Variants in AATK observed in about 807,000 individuals in gnomAD.
The protein encoded by AATK is serine/threonine-protein kinase LMTK1.
A neutral mutation model predicts 114.3 loss-of-function variants in AATK; 91 were observed. The ratio of observed to expected loss-of-function variants is 0.80; its 90% CI spans 0.67 to 0.95. The LOEUF is 0.95. Ranked by LOEUF, AATK falls within the 40% of genes least tolerant of loss-of-function variation. The pLI is 0.00. For synonymous variants in AATK, 1,075 were observed against 916.5 expected, an observed-to-expected ratio of 1.17 and a Z score of -3.12; for missense variants, 2,176 against 1,965.2, an observed-to-expected ratio of 1.11 and a Z score of -2.03.
At position 81,120,644 on chromosome 17, in the gene AATK, A is replaced by G. The variant is rs1471186145; in HGVS notation, c.3292T>C (p.Ser1098Pro). The G allele has an allele frequency of 3.9e-6, 6 of 1,533,290 alleles. No individual in the cohort carries two copies. The South Asian group carries it at 7.7e-5, about 20-fold the overall frequency. 95.0% of individuals were successfully genotyped at this position (1,533,290 alleles called of 1,614,324 possible). ...KVRPGPSPSC[S>P]QFFLLTPVPL... is the part of the protein sequence containing the mutation. The stretch of plus-strand genomic sequence containing the variant: ...ACCGGGGTCAGCAGGAAAAACTGGG[A>G]GCAGCTGGGGCTGGGCCCAGGCCGC... Residue 1098 changes from serine (S) to proline (P), a missense_variant, in exon 11 of 14, where the codon TCC (serine) becomes CCC (proline). Physicochemically the swap from Ser to Pro is moderately conservative, Grantham distance 74. This residue lies in a region of AATK where 1,701 missense variants were observed against 1,394.7 expected (regional missense o/e 1.22). Coordinates refer to ENST00000326724, the MANE Select transcript of AATK (RefSeq NM_001080395.3).
At chr17:81,153,367 TCA>T in intron 1 of AATK, among the ~76,000 whole-genome samples, 1 of 151,984 alleles carries the variant, frequency 6.6e-6, no homozygotes, top group South Asian at 2.1e-4. Context: ...CTTCTAACAG[TCA>T]ATTTGAAGAT....
At position 81,125,019 on chromosome 17, in the gene AATK, A is replaced by AGGCAGG. The variant is rs763556173; in HGVS notation, c.756-11_756-6dup. 2.7e-4 allele frequency: 378 copies of AGGCAGG among 1,419,038 alleles called. No homozygotes were observed. The highest frequency in any genetic ancestry group is 1.4e-3 in the Middle Eastern group (7 of 4,888). The allele number at this position is 1,419,038 out of a possible 1,614,324, so 87.9% of individuals were successfully genotyped here. ...CAGTTCCGCAGGGCCAGGTCGCTGC[A>AGGCAGG]GGCAGGGGCAGGGGCAGGGGCAGGG... On this transcript the variant is annotated splice_polypyrimidine_tract_variant and splice_region_variant and intron_variant, in intron 7 of 13. Transcript: ENST00000326724.
At chr17:81,156,821 C>T (rs1225925220) in intron 1 of AATK, among the ~76,000 whole-genome samples, 1 of 152,204 alleles carries the variant, frequency 6.6e-6, no homozygotes, top group African/African-American at 2.4e-5. Flanking sequence ...GGGATTCAAT[C>T]AGCTCCTGCT....
In AATK at chr17:81,118,342, G is replaced by C. The variant is rs554179149; in HGVS notation, c.*60C>G. The stretch of plus-strand genomic sequence containing the variant: ...CCCCACCTTCTCGGTCACCATCCTC[G>C]CTGCTGCCTGGCAGGGGCTCCGGTG... On this transcript the variant is annotated 3_prime_UTR_variant, in exon 14 of 14. Transcript: ENST00000326724. 6.5e-7 allele frequency: 1 copy of C among 1,529,498 alleles called. No individual in the cohort carries two copies. The highest frequency in any genetic ancestry group is 1.4e-5 in the African/African-American group (1 of 72,730). 94.7% of individuals were successfully genotyped at this position (1,529,498 alleles called of 1,614,324 possible).
At chr17:81,125,232 G>A in intron 7 of AATK, 1 of 694,558 alleles carries the variant, frequency 1.4e-6, no homozygotes, top group South Asian at 1.6e-5. Flanking sequence ...CCAACCCTGA[G>A]ACCTGGGGAG....
At position 81,122,053 on chromosome 17, in the gene AATK, T is replaced by C; in HGVS notation, c.1883A>G (p.Asp628Gly). The C allele has an allele frequency of 6.3e-7, 1 of 1,595,874 alleles. No homozygotes were observed. Among genetic ancestry groups the C allele is most frequent in the Non-Finnish European group, 8.5e-7 (1 of 1,178,034 alleles). The change falls in exon 11 of 14, where the codon GAC becomes GGC. Residue 628 changes from aspartate (D) to glycine (G), a missense_variant. Around this residue, in one of 4 missense-constraint regions of AATK, gnomAD observed 1,701 missense variants for 1,394.7 expected, o/e 1.22. Coordinates refer to ENST00000326724, the MANE Select transcript of AATK (RefSeq NM_001080395.3). ...SLAEGGAEDA[D>G]WGVAAFCPAF... ...AGGACAGAAGGCGGCCACGCCCCAG[T>C]CTGCATCCTCCGCTCCTCCCTCCGC...
chr17:81,147,277 C>T (rs2061234509), intron 1 of AATK, among the ~76,000 whole-genome samples: 2 of 150,686 alleles, frequency 1.3e-5, no homozygotes, highest in South Asian at 4.2e-4. Context: ...AGGAGAATCG[C>T]TTGAACCCGG....
chr17:81,119,202 A>ATCTG, intron 13 of AATK, among the ~76,000 whole-genome samples, 178 bp downstream of exon 13: 1 of 131,248 alleles, frequency 7.6e-6, no homozygotes, highest in Non-Finnish European at 1.6e-5. Flanking sequence ...GGGCCAGGCG[A>ATCTG]GGGCCAGGCG....
In AATK at chr17:81,128,509, G is replaced by A; in HGVS notation, c.375C>T (p.Leu125=). ...CACGGCCGATTTCCTTCAGGTACAG[G>A]AGGCTGTGCCGGCCCACGTCTGTGG... ...LKSTDVGRHS[L]LYLKEIGRGW... is the part of the protein sequence containing the mutation. Residue 125 remains leucine (L), a synonymous_variant, in exon 4 of 14, where the codon CTC becomes CTT. Coordinates refer to ENST00000326724, the MANE Select transcript of AATK (RefSeq NM_001080395.3). 6.5e-7 allele frequency: 1 copy of A among 1,549,396 alleles called. No individual in the cohort carries two copies. Among genetic ancestry groups the A allele is most frequent in the Non-Finnish European group, 8.7e-7 (1 of 1,146,922 alleles).
chr17:81,123,160 C>T (rs2060723813), intron 10 of AATK, 34 bp downstream of exon 10: 4 of 1,408,266 alleles, frequency 2.8e-6, no homozygotes, highest in Non-Finnish European at 3.7e-6. Context: ...CCATCTCGGC[C>T]TGGCTGTCCG....
Position 81,120,683 on chromosome 17 carries a change from C to T in AATK, c.3253G>A (p.Gly1085Ser), listed in dbSNP as rs1262521694. ...GLVPEPPEPQ[G>S]PAKVRPGPSP... ...GGCCCAGGCCGCACCTTGGCTGGGC[C>T]TTGGGGCTCCGGAGGCTCTGGGACC... Residue 1085 changes from glycine (G) to serine (S), a missense_variant, in exon 11 of 14, where the codon GGC becomes AGC. By Grantham distance (56) the Gly-to-Ser change is moderately conservative. Transcript: ENST00000326724. The T allele has an allele frequency of 3.3e-6, 5 of 1,514,220 alleles. No homozygotes were observed. Among genetic ancestry groups the T allele is most frequent in the Non-Finnish European group, 4.4e-6 (5 of 1,132,004 alleles). The allele number at this position is 1,514,220 out of a possible 1,614,324, so 93.8% of individuals were successfully genotyped here.
intron 1 of AATK, among the ~76,000 whole-genome samples, chr17:81,152,220 G>C (rs1406599903): frequency 6.6e-6 from 1 of 152,204 alleles, no homozygotes; most frequent in African/African-American, 2.4e-5. Flanking sequence ...AGAGATTGCA[G>C]GGAGCCAAGA....
At chr17:81,139,099 TC>T (rs1190834300) in intron 1 of AATK, among the ~76,000 whole-genome samples, 1 of 152,134 alleles carries the variant, frequency 6.6e-6, no homozygotes, top group African/African-American at 2.4e-5. Context: ...TGCACACACA[TC>T]CCCTGGCTCA....
intron 1 of AATK, 92 bp downstream of exon 1, chr17:81,165,846 T>G (rs1441902580): frequency 4.6e-6 from 7 of 1,522,790 alleles, no homozygotes; most frequent in African/African-American, 1.4e-5. Flanking sequence ...AAGGGTTAAT[T>G]TCCATGCAAA....
chr17:81,129,026 C>A, intron 3 of AATK: 1 of 586,182 alleles, frequency 1.7e-6, no homozygotes, highest in Non-Finnish European at 2.2e-6. Context: ...GCACGGAGCA[C>A]ACTGGCCCAT....
intron 13 of AATK, 124 bp downstream of exon 13, chr17:81,119,256 A>C: frequency 2.1e-6 from 2 of 948,202 alleles, no homozygotes; most frequent in South Asian, 1.9e-5. Flanking sequence ...GGGGCCGGGA[A>C]GGAGCGGAGC....
At chr17:81,119,162 T>TCAGGTGAGGGTCAGGTGAGGGC (rs1568215503) in intron 13 of AATK, among the ~76,000 whole-genome samples, 4 of 42,590 alleles carry the variant, frequency 9.4e-5, no homozygotes, top group African/African-American at 1.6e-4. Context: ...CAGGTGAGGG[T>TCAGGTGAGGGTCAGGTGAGGGC]CAGGTGAGGG....
intron 1 of AATK, among the ~76,000 whole-genome samples, chr17:81,159,276 G>A (rs1325526362): frequency 2.6e-5 from 4 of 152,198 alleles, no homozygotes; most frequent in South Asian, 2.1e-4. Context: ...GCCCACAACT[G>A]AGCATCATTC....
At position 81,128,525 on chromosome 17, in the gene AATK, A is replaced by C; in HGVS notation, c.359T>G (p.Val120Gly). 2 of 1,549,264 alleles carry C rather than the reference A, an allele frequency of 1.3e-6. No homozygotes were observed. The highest frequency in any genetic ancestry group is 1.7e-6 in the Non-Finnish European group (2 of 1,146,892). Reference sequence around the variant, plus strand: ...CAGGTACAGGAGGCTGTGCCGGCCCACGTCTGTGGACTTGAGGAGCTGCAC... The same window carrying C: ...CAGGTACAGGAGGCTGTGCCGGCCCCCGTCTGTGGACTTGAGGAGCTGCAC... ...RSVQLLKSTDVGRHSLLYLKE... is the reference protein window; with the variant it reads ...RSVQLLKSTDGGRHSLLYLKE... Residue 120 changes from valine (V) to glycine (G), a missense_variant, in exon 4 of 14, where the codon GTG becomes GGG. Val to Gly is a moderately radical substitution (Grantham distance 109, BLOSUM62 -3). Coordinates refer to ENST00000326724, the MANE Select transcript of AATK (RefSeq NM_001080395.3).
Sources: gnomAD v4.1 joint callset for allele counts (sites outside exome capture counted in the v4.1 genomes callset) on GRCh38, gnomAD v4.1.1 for gene constraint, gnomAD v4.1.1 regional missense constraint, MANE v1.5 for transcripts, NCBI Gene and HGNC (gene_info 2026-07-23, HGNC 2026-07-21) for gene names.